Variants in DACH1 observed in about 807,000 individuals in gnomAD.
DACH1 encodes the protein dachshund homolog 1.
DACH1 carries 12 observed loss-of-function variants against 54.2 expected under a neutral mutation model. The ratio of observed to expected loss-of-function variants is 0.22; its 90% CI spans 0.14 to 0.36. The LOEUF is 0.36. DACH1 is among the 10% of genes least tolerant of loss of function. The pLI, the probability that DACH1 is intolerant of heterozygous loss-of-function variation, is 1.00. For synonymous variants in DACH1, 386 were observed against 366.2 expected (o/e 1.05, Z -0.62); for missense variants, 805 against 929.8 (o/e 0.87, Z 1.75).
intron 1 of DACH1, among the ~76,000 whole-genome samples, chr13:71,750,685 G>T (rs1195107582): frequency 6.6e-6 from 1 of 152,114 alleles, no homozygotes; most frequent in Non-Finnish European, 1.5e-5. Flanking sequence ...TAGCAAAATA[G>T]AAATTGACTT....
chr13:71,748,892 T>C (rs199903284), intron 1 of DACH1, among the ~76,000 whole-genome samples: 211 of 104,388 alleles, frequency 2.0e-3, no homozygotes, highest in African/African-American at 8.8e-3. Flanking sequence ...CTTTCTTTCT[T>C]TCTTTCTCTT....
intron 1 of DACH1, among the ~76,000 whole-genome samples, chr13:71,782,189 C>T (rs923064643): frequency 9.2e-5 from 14 of 152,092 alleles, no homozygotes; most frequent in African/African-American, 2.2e-4. Flanking sequence ...ACTTGTAATC[C>T]CAGCACTTTA....
intron 1 of DACH1, among the ~76,000 whole-genome samples, chr13:71,830,417 G>T (rs1479139144): frequency 6.6e-6 from 1 of 151,850 alleles, no homozygotes; most frequent in East Asian, 1.9e-4. Context: ...AATAGAACTT[G>T]TCTGGATATT....
intron 1 of DACH1, among the ~76,000 whole-genome samples, chr13:71,684,643 A>G (rs1881069490): frequency 6.6e-6 from 1 of 152,128 alleles, no homozygotes; most frequent in Non-Finnish European, 1.5e-5. Context: ...TGGGGAACCT[A>G]TAATTCTTCC....
chr13:71,838,513 T>A (rs1888885046), intron 1 of DACH1, among the ~76,000 whole-genome samples: 1 of 152,204 alleles, frequency 6.6e-6, no homozygotes, highest in Non-Finnish European at 1.5e-5. Context: ...CATAGAATTG[T>A]TAAGATAAAG....
At chr13:71,704,635 C>T in intron 1 of DACH1, 1 of 394,984 alleles carries the variant, frequency 2.5e-6, no homozygotes, top group South Asian at 2.5e-5. Flanking sequence ...GGAACCTCTT[C>T]CCTGTGGATT....
intron 1 of DACH1, among the ~76,000 whole-genome samples, chr13:71,755,286 G>C (rs967769275): frequency 6.6e-6 from 1 of 152,158 alleles, no homozygotes; most frequent in African/African-American, 2.4e-5. Flanking sequence ...GGATATTAAA[G>C]CTGCAATACA....
At chr13:71,656,417 T>C (rs1165567887) in intron 2 of DACH1, among the ~76,000 whole-genome samples, 2 of 152,150 alleles carry the variant, frequency 1.3e-5, no homozygotes, top group African/African-American at 2.4e-5. Context: ...CAAACTTCTA[T>C]TTGTCAGTAT....
chr13:71,571,730 C>CTT (rs756352766), intron 4 of DACH1, among the ~76,000 whole-genome samples: 26 of 134,960 alleles, frequency 1.9e-4, no homozygotes, highest in Admixed American at 3.0e-4. Flanking sequence ...GTAACAGGGC[C>CTT]TTTTTTTTTT....
At chr13:71,717,628 A>T (rs1229179164) in intron 1 of DACH1, among the ~76,000 whole-genome samples, 5 of 151,888 alleles carry the variant, frequency 3.3e-5, no homozygotes, top group Non-Finnish European at 7.4e-5. Flanking sequence ...GTTTCCATTC[A>T]TAATTTAAAT....
intron 1 of DACH1, among the ~76,000 whole-genome samples, chr13:71,780,299 T>C (rs1254806049): frequency 6.6e-6 from 1 of 152,184 alleles, no homozygotes; most frequent in African/African-American, 2.4e-5. Context: ...TTGTGCTATA[T>C]AAATTTATAT....
At chr13:71,500,661 A>G (rs1025141359) in intron 6 of DACH1, among the ~76,000 whole-genome samples, 1 of 152,154 alleles carries the variant, frequency 6.6e-6, no homozygotes, top group Non-Finnish European at 1.5e-5. Flanking sequence ...GAAGATTCTC[A>G]TTTCTTTTCT....
At chr13:71,501,919 A>G (rs1293210877) in intron 6 of DACH1, among the ~76,000 whole-genome samples, 2 of 152,118 alleles carry the variant, frequency 1.3e-5, no homozygotes, top group African/African-American at 4.8e-5. Context: ...TAATATGTAG[A>G]GGTAAAAGAA....
chr13:71,560,603 T>A (rs1470534058), intron 4 of DACH1, among the ~76,000 whole-genome samples: 1 of 152,170 alleles, frequency 6.6e-6, no homozygotes, highest in African/African-American at 2.4e-5. Context: ...TATATATCAA[T>A]CATGTCCCAG....
chr13:71,607,794 T>A (rs1218326352), intron 3 of DACH1, among the ~76,000 whole-genome samples: 2 of 152,040 alleles, frequency 1.3e-5, no homozygotes, highest in Non-Finnish European at 2.9e-5. Context: ...CGTGATAAAT[T>A]GAAAGATACC....
chr13:71,851,492 G>A (rs1873662604), intron 1 of DACH1, among the ~76,000 whole-genome samples: 1 of 151,820 alleles, frequency 6.6e-6, no homozygotes, highest in African/African-American at 2.4e-5. Context: ...TTTTCCTTTA[G>A]CTAATTGTAT....
intron 6 of DACH1, among the ~76,000 whole-genome samples, chr13:71,540,898 ATTGT>A (rs1351840561): frequency 6.6e-6 from 1 of 151,974 alleles, no homozygotes; most frequent in Non-Finnish European, 1.5e-5. Context: ...AAAATATATG[ATTGT>A]TTATCTATTA....
chr13:71,831,996 C>G (rs994117486), intron 1 of DACH1, among the ~76,000 whole-genome samples: 3 of 151,922 alleles, frequency 2.0e-5, no homozygotes, highest in Non-Finnish European at 4.4e-5. Context: ...AGGTCACTAT[C>G]TGTTTCTTCA....
intron 2 of DACH1, among the ~76,000 whole-genome samples, chr13:71,671,716 T>C (rs1283769169): frequency 2.0e-5 from 3 of 152,218 alleles, no homozygotes; most frequent in African/African-American, 7.2e-5. Context: ...ATAAACAATA[T>C]AGCCTATTAA....
Sources: allele counts gnomAD v4.1 joint callset (sites outside exome capture counted in the v4.1 genomes callset), GRCh38; gene constraint gnomAD v4.1.1; transcripts MANE v1.5; gene names NCBI Gene and HGNC (gene_info 2026-07-23, HGNC 2026-07-21).